GUCY2F: variants seen among roughly 807,000 people sequenced by gnomAD.
GUCY2F encodes retinal guanylyl cyclase 2.
In GUCY2F, 61 loss-of-function variants were observed where a neutral mutation model predicts 73.1. The observed-to-expected ratio is 0.83, with a 90% CI of 0.68 to 1.03. The LOEUF is 1.03. GUCY2F is among the 50% of genes least tolerant of loss of function. The pLI is 0.00. For synonymous variants in GUCY2F, 331 were observed against 307.8 expected (o/e 1.08, Z -0.79); for missense variants, 912 against 854.3 (o/e 1.07, Z -0.84).
intron 3 of GUCY2F, among the ~76,000 whole-genome samples, chrX:109,461,952 A>G (rs1932371616): frequency 8.9e-6 from 1 of 112,659 alleles, no homozygotes. Flanking sequence ...CAAACTACAT[A>G]ATTTGATCTG....
intron 5 of GUCY2F, among the ~76,000 whole-genome samples, chrX:109,449,050 G>A (rs1247225681): frequency 2.7e-5 from 3 of 111,456 alleles, no homozygotes; most frequent in Admixed American, 1.9e-4. Flanking sequence ...CGGTATGCTC[G>A]TTTTGTTGTT....
intron 7 of GUCY2F, among the ~76,000 whole-genome samples, chrX:109,433,450 C>A (rs186133799): frequency 8.9e-6 from 1 of 112,295 alleles, no homozygotes; most frequent in Non-Finnish European, 1.9e-5. Flanking sequence ...CCATCTCCTA[C>A]TTTGTTGCTC....
Position 109,436,884 on chromosome X carries a change from A to G in GUCY2F, c.1701+4467T>C, listed in dbSNP as rs1051941662. Among the ~76,000 whole-genome samples the G allele has an allele frequency of 1.4e-4, 15 of 109,062 alleles. No homozygotes were observed. The Admixed American group carries it at 1.5e-3, about 11-fold the overall frequency. The allele number at this position is 109,062 out of a possible 115,157, so 94.7% of individuals were successfully genotyped here. A position where few individuals can be genotyped will look rare whatever the true frequency, so the allele number is the denominator to read the frequency against. The stretch of plus-strand genomic sequence containing the variant: ...ACACCAGCATGGCACATGTATACAT[A>G]TGTAACTAACCTGCACATTGTGCAC... On this transcript the variant is annotated intron_variant, in intron 7 of 19. Transcript: ENST00000218006.
chrX:109,438,606 C>T (rs1352660281), intron 7 of GUCY2F, among the ~76,000 whole-genome samples: 1 of 113,097 alleles, frequency 8.8e-6, no homozygotes, highest in Non-Finnish European at 1.9e-5. Flanking sequence ...ACTCCATGTT[C>T]CAATTCCCAG....
intron 7 of GUCY2F, among the ~76,000 whole-genome samples, chrX:109,441,111 T>C (rs1393100469): frequency 8.9e-6 from 1 of 112,257 alleles, no homozygotes; most frequent in Non-Finnish European, 1.9e-5. Context: ...AACTTTTTTC[T>C]ACATGCATAG....
At chrX:109,412,161 G>A (rs772287615) in intron 8 of GUCY2F, among the ~76,000 whole-genome samples, 2 of 111,998 alleles carry the variant, frequency 1.8e-5, no homozygotes, top group African/African-American at 6.5e-5. Flanking sequence ...TAGAGAGATA[G>A]GCTTAGAATG....
intron 14 of GUCY2F, among the ~76,000 whole-genome samples, chrX:109,390,210 A>G (rs1791782284): frequency 9.0e-6 from 1 of 111,217 alleles, no homozygotes; most frequent in Admixed American, 9.6e-5. Context: ...TGCTGTGGAA[A>G]ATTGTGGGTT....
intron 19 of GUCY2F, among the ~76,000 whole-genome samples, chrX:109,373,527 C>T (rs1930105169): frequency 8.9e-6 from 1 of 111,800 alleles, no homozygotes; most frequent in South Asian, 3.8e-4. Context: ...CTAACTTTTC[C>T]ACCTTCATAC....
rs191521975 is a variant in GUCY2F at position 109,384,640 on chromosome X, A to G, written c.3055+544T>C. On this transcript the variant is annotated intron_variant, in intron 16 of 19. Coordinates refer to ENST00000218006, the MANE Select transcript of GUCY2F (RefSeq NM_001522.3). ...TTGCAATAAATTATTTCAGAATTCC[A>G]AGCTACTTGGATTGAGGGATTATTG... is the stretch of plus-strand genomic sequence containing the variant. Among the ~76,000 whole-genome samples the G allele has an allele frequency of 3.2e-3, 357 of 111,905 alleles. 2 individuals carry two copies. Among genetic ancestry groups the G allele is most frequent in the African/African-American group, 0.011 (343 of 30,824 alleles).
At chrX:109,449,291 C>T (rs1016132585) in intron 5 of GUCY2F, among the ~76,000 whole-genome samples, 1 of 112,328 alleles carries the variant, frequency 8.9e-6, no homozygotes, top group African/African-American at 3.2e-5. Flanking sequence ...AAACAATTAA[C>T]GTGTTTCTAA....
At chrX:109,428,462 C>CT (rs1359858013) in intron 8 of GUCY2F, among the ~76,000 whole-genome samples, 2 of 111,807 alleles carry the variant, frequency 1.8e-5, no homozygotes, top group Admixed American at 1.9e-4. Flanking sequence ...AATAATTGAT[C>CT]TGAATTCATC....
chrX:109,430,905 G>T (rs991528938), intron 7 of GUCY2F, among the ~76,000 whole-genome samples: 1 of 111,039 alleles, frequency 9.0e-6, no homozygotes, highest in Non-Finnish European at 1.9e-5. Context: ...GTGTATGGAG[G>T]GGGGGCTGTC....
At chrX:109,467,201 A>G (rs1179080844) in intron 2 of GUCY2F, among the ~76,000 whole-genome samples, 1 of 112,392 alleles carries the variant, frequency 8.9e-6, no homozygotes, top group Admixed American at 9.4e-5. Context: ...AGTTGGATTT[A>G]GAAAAAGAAA....
At chrX:109,395,519 C>T (rs1930686100) in intron 11 of GUCY2F, 30 bp from the exon 12 acceptor site, 1 of 1,159,557 alleles carries the variant, frequency 8.6e-7, no homozygotes, top group Non-Finnish European at 1.2e-6. Context: ...GAACCGTTTA[C>T]AAATCATGGA....
chrX:109,479,493 GGACTAGCA>G lies in GUCY2F; in HGVS notation c.-86+2365_-86+2372del, dbSNP rs1932751874. On this transcript the variant is annotated intron_variant, in intron 1 of 19. Transcript: ENST00000218006. ...GGTCTCTCCTTTTTCCCCTTTAGCT[GGACTAGCA>G]GATCAGCAAGTCCCTTTATTCTCTG... 4.5e-5 allele frequency among the ~76,000 whole-genome samples: 5 copies of G among 111,516 alleles called. No homozygotes were observed. In the South Asian group the frequency reaches 1.9e-3, roughly 42 times the overall value.
chrX:109,459,858 A>C (rs1044217171), intron 3 of GUCY2F, among the ~76,000 whole-genome samples: 5 of 111,891 alleles, frequency 4.5e-5, no homozygotes, highest in African/African-American at 6.5e-5. Context: ...AAAACTTTCA[A>C]CATGAAATAA....
chrX:109,449,958 A>G (rs1331885920), intron 5 of GUCY2F, among the ~76,000 whole-genome samples: 3 of 110,850 alleles, frequency 2.7e-5, no homozygotes, highest in African/African-American at 9.9e-5. Context: ...AGGAACAGAG[A>G]GTTACTCTCC....
At chrX:109,471,315 G>A (rs1012708537) in intron 2 of GUCY2F, among the ~76,000 whole-genome samples, 3 of 112,375 alleles carry the variant, frequency 2.7e-5, no homozygotes, top group African/African-American at 3.2e-5. Context: ...GCAAGAAGGC[G>A]AGGAGAAGAG....
intron 2 of GUCY2F, among the ~76,000 whole-genome samples, chrX:109,472,498 G>A (rs1481246099): frequency 1.8e-5 from 2 of 111,960 alleles, no homozygotes; most frequent in Non-Finnish European, 3.8e-5. Flanking sequence ...CAAAAAGTTT[G>A]TTGTCTTTTT....
Sources: allele counts gnomAD v4.1 joint callset (sites outside exome capture counted in the v4.1 genomes callset), GRCh38; gene constraint gnomAD v4.1.1; transcripts MANE v1.5; gene names NCBI Gene and HGNC (gene_info 2026-07-23, HGNC 2026-07-21).